The following LDLRAD4 variants were observed in gnomAD, a reference collection of about 807,000 sequenced individuals.
LDLRAD4 encodes the protein low-density lipoprotein receptor class A domain-containing protein 4.
In LDLRAD4, 5 loss-of-function variants were observed where a neutral mutation model predicts 17.0. The ratio of observed to expected loss-of-function variants is 0.29; its 90% confidence interval spans 0.15 to 0.62. LDLRAD4 has a LOEUF of 0.62. Ranked by LOEUF, LDLRAD4 falls within the 20% of genes least tolerant of loss-of-function variation. LDLRAD4 has a pLI of 0.84. For synonymous variants in LDLRAD4, 168 were observed against 171.8 expected, an observed-to-expected ratio of 0.98 and a Z score of 0.17; for missense variants, 340 against 424.7, an observed-to-expected ratio of 0.80 and a Z score of 1.75.
At chr18:13,460,420 G>A (rs916964073) in intron 3 of LDLRAD4, among the ~76,000 whole-genome samples, 2 of 152,142 alleles carry the variant, frequency 1.3e-5, no homozygotes, top group Non-Finnish European at 2.9e-5. Flanking sequence ...CTGGAACTCC[G>A]GGCACAAGCA....
At chr18:13,266,124 C>CA (rs2044201792) in intron 1 of LDLRAD4, among the ~76,000 whole-genome samples, 1 of 152,200 alleles carries the variant, frequency 6.6e-6, no homozygotes. Flanking sequence ...GAATGGCGGG[C>CA]TCCTTGACAC....
intron 3 of LDLRAD4, among the ~76,000 whole-genome samples, chr18:13,584,128 C>T (rs1366927387): frequency 2.0e-5 from 3 of 152,192 alleles, no homozygotes; most frequent in East Asian, 3.8e-4. Flanking sequence ...AGCCTGTGAC[C>T]GGCGTCTGCC....
intron 1 of LDLRAD4, among the ~76,000 whole-genome samples, chr18:13,338,631 C>T (rs1340118547): frequency 6.6e-6 from 1 of 152,202 alleles, no homozygotes; most frequent in African/African-American, 2.4e-5. Flanking sequence ...GTGAAGAACA[C>T]AGTTCAGTTT....
At chr18:13,481,036 C>T (rs1422494050) in intron 3 of LDLRAD4, among the ~76,000 whole-genome samples, 1 of 152,202 alleles carries the variant, frequency 6.6e-6, no homozygotes, top group Non-Finnish European at 1.5e-5. Flanking sequence ...TGTGGATGCA[C>T]ATGTCCTAGG....
At chr18:13,218,027 A>G (rs1190152580), upstream of LDLRAD4, 1 of 151,222 alleles carries the variant, frequency 6.6e-6, no homozygotes, top group Non-Finnish European at 1.5e-5. Flanking sequence ...CCCCCTGGCC[A>G]GCAGGGCCGG....
intron 3 of LDLRAD4, among the ~76,000 whole-genome samples, chr18:13,497,305 T>C (rs945397520): frequency 1.3e-5 from 2 of 152,110 alleles, no homozygotes; most frequent in African/African-American, 4.8e-5. Flanking sequence ...GCCTCCGGAA[T>C]AGCTGGGACT....
chr18:13,226,180 C>CTCTTTTTTTTTTTTTTTTTT (rs71370946), intron 1 of LDLRAD4, among the ~76,000 whole-genome samples: 12 of 52,208 alleles, frequency 2.3e-4, no homozygotes, highest in African/African-American at 8.6e-4. Context: ...CCATGCCTTG[C>CTCTTTTTTTTTTTTTTTTTT]TTTTTTTTTT....
rs555564438 is a variant in LDLRAD4, at chr18:13,242,260, A to G, written c.-467+23272A>G. On this transcript the variant is annotated intron_variant, in intron 1 of 5. Coordinates refer to the LDLRAD4 transcript ENST00000399848. ...TTTTGTCTAGGATTCCAGTATTTCA[A>G]GTTTTACCCGGTCACGTCAGTGCTT... Among the ~76,000 whole-genome samples the G allele has an allele frequency of 2.0e-5, 3 of 152,344 alleles. No individual in the cohort carries two copies. In the East Asian group the frequency reaches 5.8e-4, roughly 29 times the overall value.
intron 3 of LDLRAD4, among the ~76,000 whole-genome samples, chr18:13,480,455 G>A (rs149960562): frequency 7.5e-4 from 114 of 152,284 alleles, no homozygotes; most frequent in Non-Finnish European, 1.4e-3. Flanking sequence ...TTAGGGCCGT[G>A]AGCCTATTCT....
At chr18:13,219,973 C>CT (rs1479644620) in intron 1 of LDLRAD4, among the ~76,000 whole-genome samples, 1 of 152,196 alleles carries the variant, frequency 6.6e-6, no homozygotes, top group Non-Finnish European at 1.5e-5. Context: ...GGAATATAGT[C>CT]TTTGTGTTCA....
chr18:13,256,384 G>T (rs1309603455), intron 1 of LDLRAD4, among the ~76,000 whole-genome samples: 1 of 152,192 alleles, frequency 6.6e-6, no homozygotes, highest in Non-Finnish European at 1.5e-5. Flanking sequence ...CAGATCAGCT[G>T]CATGGGCACA....
intron 1 of LDLRAD4, among the ~76,000 whole-genome samples, chr18:13,364,656 T>G (rs373571331): frequency 2.6e-5 from 4 of 152,240 alleles, no homozygotes; most frequent in Non-Finnish European, 4.4e-5. Context: ...TATTTGATTT[T>G]TTTGTGTATG....
At chr18:13,261,552 G>C (rs560543638) in intron 1 of LDLRAD4, among the ~76,000 whole-genome samples, 1 of 152,286 alleles carries the variant, frequency 6.6e-6, no homozygotes, top group South Asian at 2.1e-4. Flanking sequence ...CAGAACCTTT[G>C]GGGGTTGTAT....
intron 1 of LDLRAD4, among the ~76,000 whole-genome samples, chr18:13,357,102 C>T (rs995904387): frequency 1.3e-5 from 2 of 152,090 alleles, no homozygotes; most frequent in African/African-American, 4.8e-5. Flanking sequence ...CCACTGCACT[C>T]CAGCCTGGTT....
chr18:13,285,732 G>T (rs1298472025), intron 1 of LDLRAD4, among the ~76,000 whole-genome samples: 2 of 152,044 alleles, frequency 1.3e-5, no homozygotes, highest in Non-Finnish European at 2.9e-5. Context: ...TGAAACTCGG[G>T]GGTTGTGGTA....
intron 2 of LDLRAD4, among the ~76,000 whole-genome samples, chr18:13,429,075 C>G (rs2145993317): frequency 6.6e-6 from 1 of 152,100 alleles, no homozygotes; most frequent in East Asian, 1.9e-4. Context: ...GTTAAGAGGT[C>G]AGGGAGTGGA....
Position 13,529,831 on chromosome 18 carries a change from C to T in LDLRAD4, c.182-91286C>T, listed in dbSNP as rs565219876. On this transcript the variant is annotated intron_variant, in intron 3 of 5. Transcript: ENST00000359446. Reference sequence around the variant, plus strand: ...GTCCACAGAGTGTGTCCTCTTGTTACGCTGTTACTGCTTTAGAGACTTCCA... The same window carrying T: ...GTCCACAGAGTGTGTCCTCTTGTTATGCTGTTACTGCTTTAGAGACTTCCA... Among the ~76,000 whole-genome samples the T allele has an allele frequency of 5.3e-5, 8 of 152,302 alleles. No homozygotes were observed. In the South Asian group the frequency reaches 6.2e-4, roughly 12 times the overall value.
intron 3 of LDLRAD4, among the ~76,000 whole-genome samples, chr18:13,585,073 C>T (rs1284691207): frequency 6.6e-6 from 1 of 152,214 alleles, no homozygotes; most frequent in African/African-American, 2.4e-5. Context: ...GGCCTTTTCC[C>T]TGGCTGGAAT....
At chr18:13,302,271 A>G (rs2046650800) in intron 1 of LDLRAD4, among the ~76,000 whole-genome samples, 1 of 151,976 alleles carries the variant, frequency 6.6e-6, no homozygotes, top group African/African-American at 2.4e-5. Flanking sequence ...TTCAGTGGAG[A>G]CCTCTAAAAT....
Sources: gnomAD v4.1 joint callset for allele counts (sites outside exome capture counted in the v4.1 genomes callset) on GRCh38, gnomAD v4.1.1 for gene constraint, MANE v1.5 for transcripts, NCBI Gene and HGNC (gene_info 2026-07-23, HGNC 2026-07-21) for gene names.